ACAA2: variants seen among roughly 807,000 people sequenced by gnomAD.
The protein encoded by ACAA2 is acetyl-CoA acyltransferase 2, also known as 3-ketoacyl-CoA thiolase, mitochondrial.
Under a neutral mutation model 44.8 loss-of-function variants are expected in ACAA2, and 35 were observed. The observed-to-expected ratio is 0.78, with a 90% CI of 0.60 to 1.04. The LOEUF (loss-of-function observed/expected upper bound fraction) is 1.04, where lower values mean the gene tolerates loss of function less well. ACAA2 is among the 50% of genes least tolerant of loss of function. The pLI, the probability that ACAA2 is intolerant of heterozygous loss-of-function variation, is 0.00. For missense variants in ACAA2, 468 were observed against 482.6 expected, an observed-to-expected ratio of 0.97 and a Z score of 0.28; for synonymous variants, 142 against 166.5, an observed-to-expected ratio of 0.85 and a Z score of 1.13.
intron 8 of ACAA2, among the ~76,000 whole-genome samples, chr18:49,786,865 T>G (rs893084803): frequency 6.6e-6 from 1 of 152,116 alleles, no homozygotes; most frequent in African/African-American, 2.4e-5. Flanking sequence ...AAAGATACAT[T>G]TAAGGGAGGG....
intron 7 of ACAA2, 35 bp from the exon 8 acceptor site, chr18:49,787,396 G>T: frequency 7.8e-7 from 1 of 1,286,140 alleles, no homozygotes; most frequent in Non-Finnish European, 1.0e-6. Flanking sequence ...TAAAAATATA[G>T]AAATAAATGT....
chr18:49,802,839 C>T lies in ACAA2; in HGVS notation c.31G>A (p.Ala11Thr). Residue 11 changes from alanine to threonine, a missense_variant, in exon 2 of 10, where the codon GCT becomes ACT. Transcript: ENST00000285093. MALLRGVFVV[A>T]AKRTPFGAYG... ...GCTCCAAAGGGCGTTCGCTTAGCAG[C>T]AACTACAAACACACCTATTGCAACA... 1 of 1,613,952 alleles carries T rather than the reference C, an allele frequency of 6.2e-7. No individual in the cohort carries two copies.
chr18:49,786,979 A>T (rs900721354), intron 8 of ACAA2, among the ~76,000 whole-genome samples: 6 of 152,172 alleles, frequency 3.9e-5, no homozygotes, highest in Non-Finnish European at 8.8e-5. Context: ...TTTAATATTC[A>T]ACAGGCATGT....
At chr18:49,794,571 G>C (rs1169141041) in intron 4 of ACAA2, 144 bp from the exon 5 acceptor site, 1 of 640,924 alleles carries the variant, frequency 1.6e-6, no homozygotes, top group Non-Finnish European at 2.4e-6. Flanking sequence ...ATTCAGTTAT[G>C]GGATATTTTT....
intron 1 of ACAA2, among the ~76,000 whole-genome samples, chr18:49,809,542 C>T (rs1598803928): frequency 6.6e-6 from 1 of 152,144 alleles, no homozygotes; most frequent in Non-Finnish European, 1.5e-5. Context: ...GAATATTATT[C>T]AGCAATAAAA....
chr18:49,788,720 A>G (rs761715974), intron 7 of ACAA2, among the ~76,000 whole-genome samples: 1 of 152,224 alleles, frequency 6.6e-6, no homozygotes, highest in Non-Finnish European at 1.5e-5. Flanking sequence ...TTGTCTGCAT[A>G]AACAACACAG....
At chr18:49,811,714 T>C (rs1233343631) in intron 1 of ACAA2, among the ~76,000 whole-genome samples, 5 of 152,170 alleles carry the variant, frequency 3.3e-5, no homozygotes, top group Non-Finnish European at 7.3e-5. Flanking sequence ...AGCTCAAAGC[T>C]TGGGTTCTAG....
In ACAA2 at chr18:49,803,280, A is replaced by ATAATAATAT. The variant is rs531343535; in HGVS notation, c.17-428_17-427insATATTATTA. Reference sequence around the variant, plus strand: ...AATAATAATAATAATAATAATAATAATATCAATCCCTGACCTAAACTACTT... The same window carrying ATAATAATAT: ...AATAATAATAATAATAATAATAATAATAATAATATTATCAATCCCTGACCTAAACTACTT... On this transcript the variant is annotated intron_variant, in intron 1 of 9. Transcript: ENST00000285093. 9.3e-4 allele frequency among the ~76,000 whole-genome samples: 139 copies of ATAATAATAT among 149,332 alleles called. No homozygotes were observed. The South Asian group carries it at 0.011, about 12-fold the overall frequency.
chr18:49,807,377 C>A (rs972180192), intron 1 of ACAA2, among the ~76,000 whole-genome samples: 1 of 151,230 alleles, frequency 6.6e-6, no homozygotes, highest in African/African-American at 2.4e-5. Flanking sequence ...TCTAAAAAAA[C>A]AGAAACAAAA....
At chr18:49,799,232 C>G (rs2023499896) in intron 2 of ACAA2, among the ~76,000 whole-genome samples, 1 of 152,110 alleles carries the variant, frequency 6.6e-6, no homozygotes, top group Admixed American at 6.5e-5. Flanking sequence ...CCCTCCTCCT[C>G]CCCCTCTCCC....
At chr18:49,792,470 A>C in intron 5 of ACAA2, 143 bp from the exon 6 acceptor site, 1 of 793,492 alleles carries the variant, frequency 1.3e-6, no homozygotes, top group Non-Finnish European at 1.9e-6. Context: ...TTTGAGATGG[A>C]GTCTCACATT....
chr18:49,800,918 TATC>T (rs1250918631), intron 2 of ACAA2, among the ~76,000 whole-genome samples: 2 of 148,466 alleles, frequency 1.3e-5, no homozygotes, highest in Non-Finnish European at 3.0e-5. Flanking sequence ...AATCCACAGC[TATC>T]ATCATATGTA....
At chr18:49,800,074 G>GAA in intron 2 of ACAA2, among the ~76,000 whole-genome samples, 2 of 151,196 alleles carry the variant, frequency 1.3e-5, no homozygotes, top group Non-Finnish European at 3.0e-5. Context: ...ACGCCATCCG[G>GAA]GAGGGAGGTG....
At chr18:49,795,979 A>G in intron 3 of ACAA2, 98 bp from the exon 4 acceptor site, 1 of 762,396 alleles carries the variant, frequency 1.3e-6, no homozygotes. Flanking sequence ...AAATCAAACA[A>G]ATATTGTACT....
At chr18:49,802,133 G>T (rs1036317857) in intron 2 of ACAA2, among the ~76,000 whole-genome samples, 1 of 152,168 alleles carries the variant, frequency 6.6e-6, no homozygotes, top group Admixed American at 6.5e-5. Context: ...GTAAGCCAAG[G>T]AAGTCAATCT....
chr18:49,793,007 C>T (rs1283742031), intron 5 of ACAA2, among the ~76,000 whole-genome samples: 2 of 152,036 alleles, frequency 1.3e-5, no homozygotes, highest in East Asian at 3.9e-4. Context: ...ACTGCTAAGA[C>T]TGTTAGCAGC....
In ACAA2 at chr18:49,804,776, A is replaced by T. The variant is rs561186931; in HGVS notation, c.17-1923T>A. On this transcript the variant is annotated intron_variant, in intron 1 of 9. Transcript: ENST00000285093. ...GTCCTTGTACAAATAAATAAAAATC[A>T]CCCCTTCCCAATCACCTACTACCAT... 2.6e-5 allele frequency among the ~76,000 whole-genome samples: 4 copies of T among 152,166 alleles called. No homozygotes were observed. In the East Asian group the frequency reaches 7.7e-4, roughly 29 times the overall value.
At chr18:49,799,642 C>T (rs1358585772) in intron 2 of ACAA2, among the ~76,000 whole-genome samples, 1 of 152,004 alleles carries the variant, frequency 6.6e-6, no homozygotes, top group African/African-American at 2.4e-5. Context: ...GCCACCCCGT[C>T]TGGGAAGTGA....
At chr18:49,800,676 GTT>G (rs2023536689) in intron 2 of ACAA2, among the ~76,000 whole-genome samples, 1 of 152,128 alleles carries the variant, frequency 6.6e-6, no homozygotes, top group African/African-American at 2.4e-5. Flanking sequence ...GATGTGCTTT[GTT>G]AAACAGATGC....
Sources: gnomAD v4.1 joint callset for allele counts (sites outside exome capture counted in the v4.1 genomes callset) on GRCh38, gnomAD v4.1.1 for gene constraint, MANE v1.5 for transcripts, NCBI Gene and HGNC (gene_info 2026-07-23, HGNC 2026-07-21) for gene names.